Variants in HS6ST3 observed in about 807,000 individuals in gnomAD.
HS6ST3 encodes the protein heparan-sulfate 6-O-sulfotransferase 3.
Under a neutral mutation model 36.7 loss-of-function variants are expected in HS6ST3, and 12 were observed. The observed-to-expected ratio is 0.33, with a 90% CI of 0.21 to 0.53. The LOEUF (loss-of-function observed/expected upper bound fraction) is 0.53. Among genes scored for constraint, HS6ST3 ranks in the 20% least tolerant of loss-of-function variants. The pLI, the probability that HS6ST3 is intolerant of heterozygous loss-of-function variation, is 0.95. For missense variants in HS6ST3, 584 were observed against 640.9 expected (o/e 0.91, Z 0.96); for synonymous variants, 240 against 257.5 (o/e 0.93, Z 0.65).
intron 1 of HS6ST3, among the ~76,000 whole-genome samples, chr13:96,602,757 C>G (rs905007361): frequency 6.6e-6 from 1 of 152,132 alleles, no homozygotes; most frequent in Non-Finnish European, 1.5e-5. Flanking sequence ...TGAGTACTAT[C>G]TTGGATTATG....
intron 1 of HS6ST3, among the ~76,000 whole-genome samples, chr13:96,381,378 C>CTATCTACG (rs1566343852): frequency 1.5e-5 from 2 of 137,016 alleles, no homozygotes; most frequent in Non-Finnish European, 3.1e-5. Flanking sequence ...ATTTATCCAT[C>CTATCTACG]TATCTATGTA....
At chr13:96,580,601 T>C (rs564416473) in intron 1 of HS6ST3, among the ~76,000 whole-genome samples, 22 of 152,264 alleles carry the variant, frequency 1.4e-4, no homozygotes, top group African/African-American at 4.6e-4. Flanking sequence ...TGAAGGTAAT[T>C]ATTGTGTGGA....
At chr13:96,783,569 CTT>C (rs113084867) in intron 1 of HS6ST3, among the ~76,000 whole-genome samples, 4 of 140,600 alleles carry the variant, frequency 2.8e-5, no homozygotes, top group Admixed American at 1.4e-4. Flanking sequence ...AAAAATAAAG[CTT>C]TTTTTTTTTT....
intron 1 of HS6ST3, among the ~76,000 whole-genome samples, chr13:96,275,369 G>A (rs1408221717): frequency 6.6e-6 from 1 of 152,076 alleles, no homozygotes; most frequent in East Asian, 1.9e-4. Flanking sequence ...TACTCTTTGA[G>A]CTTTGGGTGT....
intron 1 of HS6ST3, among the ~76,000 whole-genome samples, chr13:96,256,315 C>T (rs751871256): frequency 6.6e-6 from 1 of 152,088 alleles, no homozygotes. Flanking sequence ...AAAAGTGTGG[C>T]GAGGGTGGGA....
intron 1 of HS6ST3, among the ~76,000 whole-genome samples, chr13:96,722,560 C>T (rs918157358): frequency 6.6e-6 from 1 of 152,202 alleles, no homozygotes; most frequent in Non-Finnish European, 1.5e-5. Flanking sequence ...TGGATCCAGA[C>T]AGATCTAGAT....
chr13:96,309,902 G>T (rs2139408549), intron 1 of HS6ST3, among the ~76,000 whole-genome samples: 1 of 152,014 alleles, frequency 6.6e-6, no homozygotes, highest in Non-Finnish European at 1.5e-5. Flanking sequence ...GCTAATAGTG[G>T]GGAAAGAAGC....
In HS6ST3 at chr13:96,558,462, A is replaced by G. The variant is rs2056249422; in HGVS notation, c.708-274028A>G. On this transcript the variant is annotated intron_variant, in intron 1 of 1. Transcript: ENST00000376705. ...TCACAGCAGGTAGATAACAGTTATC[A>G]CTGCTGGCTGCCTGCTGAGCTATAA... is the stretch of plus-strand genomic sequence containing the variant. 2.0e-5 allele frequency among the ~76,000 whole-genome samples: 3 copies of G among 152,222 alleles called. No homozygotes were observed. In the South Asian group the frequency reaches 6.2e-4, roughly 32 times the overall value.
At chr13:96,454,885 A>G (rs1029481971) in intron 1 of HS6ST3, among the ~76,000 whole-genome samples, 2 of 151,718 alleles carry the variant, frequency 1.3e-5, no homozygotes, top group African/African-American at 4.8e-5. Context: ...AAAAAAAAAA[A>G]AACATACGCC....
intron 1 of HS6ST3, among the ~76,000 whole-genome samples, chr13:96,613,763 G>C (rs1454226497): frequency 6.6e-6 from 1 of 152,084 alleles, no homozygotes. Flanking sequence ...ATACTTGACT[G>C]CTTTCTTATG....
chr13:96,807,750 C>T (rs1421729309), intron 1 of HS6ST3, among the ~76,000 whole-genome samples: 1 of 151,734 alleles, frequency 6.6e-6, no homozygotes, highest in African/African-American at 2.4e-5. Flanking sequence ...CCTGTAGTCC[C>T]AGCTACTCGG....
intron 1 of HS6ST3, among the ~76,000 whole-genome samples, chr13:96,241,160 T>G (rs542762438): frequency 6.6e-6 from 1 of 151,744 alleles, no homozygotes; most frequent in Admixed American, 6.6e-5. Context: ...TTCTTTTCCA[T>G]AAAATGAAAG....
intron 1 of HS6ST3, among the ~76,000 whole-genome samples, chr13:96,417,592 G>A (rs1424699874): frequency 3.5e-4 from 22 of 62,544 alleles, no homozygotes; most frequent in South Asian, 1.3e-3. Flanking sequence ...ATATATATAT[G>A]TGTGTGTGTG....
At chr13:96,234,481 A>G (rs1292027725) in intron 1 of HS6ST3, among the ~76,000 whole-genome samples, 4 of 152,220 alleles carry the variant, frequency 2.6e-5, no homozygotes, top group Non-Finnish European at 5.9e-5. Flanking sequence ...GGTAATTTAT[A>G]AAGAAAAAGA....
Position 96,645,470 on chromosome 13 carries a change from T to C in HS6ST3, c.708-187020T>C, listed in dbSNP as rs530025574. ...CCTATGATTCCTTTTATCTAGTATC[T>C]GTTCCATGTCACTGTTCTAATTCAC... On this transcript the variant is annotated intron_variant, in intron 1 of 1. Transcript: ENST00000376705. Among the ~76,000 whole-genome samples, 4 of 151,242 alleles carry C rather than the reference T, an allele frequency of 2.6e-5. No individual in the cohort carries two copies. The South Asian group carries it at 8.4e-4, about 32-fold the overall frequency.
rs1316330342 is a variant in HS6ST3 at position 96,449,142 on chromosome 13, C to A, written c.707+357573C>A. On this transcript the variant is annotated intron_variant, in intron 1 of 1. Transcript: ENST00000376705. ...ATACCCGGCTAATTTTTAAATTTTTCATTGAGACCAGATCTCACCATCTTT... is the reference window on the plus strand; with the variant it reads ...ATACCCGGCTAATTTTTAAATTTTTAATTGAGACCAGATCTCACCATCTTT... Among the ~76,000 whole-genome samples, 7 of 151,976 alleles carry A rather than the reference C, an allele frequency of 4.6e-5. No homozygotes were observed. In the East Asian group the frequency reaches 1.2e-3, roughly 25 times the overall value.
At chr13:96,605,136 G>T (rs2056434393) in intron 1 of HS6ST3, among the ~76,000 whole-genome samples, 1 of 152,010 alleles carries the variant, frequency 6.6e-6, no homozygotes, top group African/African-American at 2.4e-5. Flanking sequence ...ATTTTGCAAA[G>T]GCTCCACTCC....
At chr13:96,534,682 G>A (rs2056148328) in intron 1 of HS6ST3, among the ~76,000 whole-genome samples, 1 of 152,196 alleles carries the variant, frequency 6.6e-6, no homozygotes, top group Admixed American at 6.5e-5. Flanking sequence ...GAAGAGGCCG[G>A]GCACGGTGGC....
At chr13:96,119,560 T>C (rs924534142) in intron 1 of HS6ST3, among the ~76,000 whole-genome samples, 13 of 152,190 alleles carry the variant, frequency 8.5e-5, no homozygotes, top group Non-Finnish European at 1.9e-4. Context: ...TACTTAAGGA[T>C]TGAGATAAAT....
Sources: gnomAD v4.1 joint callset for allele counts (sites outside exome capture counted in the v4.1 genomes callset) on GRCh38, gnomAD v4.1.1 for gene constraint, MANE v1.5 for transcripts, NCBI Gene and HGNC (gene_info 2026-07-23, HGNC 2026-07-21) for gene names.